The following CDKAL1 variants were observed in gnomAD, a reference collection of about 807,000 sequenced individuals.
The protein encoded by CDKAL1 is CDKAL1 threonylcarbamoyladenosine tRNA methylthiotransferase, also known as threonylcarbamoyladenosine tRNA methylthiotransferase.
Under a neutral mutation model 68.2 loss-of-function variants are expected in CDKAL1, and 32 were observed. The ratio of observed to expected loss-of-function variants is 0.47; its 90% confidence interval spans 0.35 to 0.63. CDKAL1 has a LOEUF of 0.63. Among genes scored for constraint, CDKAL1 ranks in the 30% least tolerant of loss-of-function variants. The pLI, the probability that CDKAL1 is intolerant of heterozygous loss-of-function variation, is 0.00. For missense variants in CDKAL1, 606 were observed against 696.7 expected, an observed-to-expected ratio of 0.87 and a Z score of 1.47; for synonymous variants, 234 against 244.3, an observed-to-expected ratio of 0.96 and a Z score of 0.39.
chr6:20,614,141 G>A (rs191311164), intron 4 of CDKAL1, among the ~76,000 whole-genome samples: 1 of 152,108 alleles, frequency 6.6e-6, no homozygotes, highest in Admixed American at 6.5e-5. Flanking sequence ...TGATTTGTAG[G>A]TACTCTCTAT....
At chr6:20,959,181 A>G (rs1421377595) in intron 10 of CDKAL1, among the ~76,000 whole-genome samples, 1 of 152,210 alleles carries the variant, frequency 6.6e-6, no homozygotes, top group Admixed American at 6.5e-5. Flanking sequence ...TAGGCAGACA[A>G]GTAGTGAAGT....
chr6:20,576,103 T>C (rs749998040), intron 4 of CDKAL1, among the ~76,000 whole-genome samples: 2 of 152,220 alleles, frequency 1.3e-5, no homozygotes, highest in South Asian at 2.1e-4. Flanking sequence ...GTTTTGAGGA[T>C]GGAAAAATGA....
intron 12 of CDKAL1, among the ~76,000 whole-genome samples, chr6:21,105,037 T>C (rs1773779039): frequency 6.6e-6 from 1 of 152,212 alleles, no homozygotes; most frequent in Non-Finnish European, 1.5e-5. Context: ...TCTAAAAATA[T>C]TTTCCCCAGT....
Position 21,232,018 on chromosome 6 carries a change from T to TGTTG in CDKAL1, c.*979_*980insGTTG, listed in dbSNP as rs1779998186. On this transcript the variant is annotated 3_prime_UTR_variant, in exon 16 of 16. Coordinates refer to ENST00000274695, the MANE Select transcript of CDKAL1 (RefSeq NM_017774.3). Reference sequence around the variant, plus strand: ...TTTTTTTTTTGTTTTTGTTTTTTTTTTTTTTTGAGTCAAGGTCTCACTCTG... The same window carrying TGTTG: ...TTTTTTTTTTGTTTTTGTTTTTTTTTGTTGTTTTTTGAGTCAAGGTCTCACTCTG... 6.7e-6 allele frequency: 1 copy of TGTTG among 148,636 alleles called. No individual in the cohort carries two copies. Among genetic ancestry groups the TGTTG allele is most frequent in the East Asian group, 2.0e-4 (1 of 5,084 alleles). The allele number at this position is 148,636 out of a possible 1,614,324, so 9.2% of individuals were successfully genotyped here. A position where few individuals can be genotyped will look rare whatever the true frequency, so the allele number is the denominator to read the frequency against.
At position 21,102,035 on chromosome 6, in the gene CDKAL1, C is replaced by T. The variant is rs543983729; in HGVS notation, c.1237-6366C>T. 9.9e-5 allele frequency among the ~76,000 whole-genome samples: 15 copies of T among 152,264 alleles called. 3 individuals are homozygous for T. In the East Asian group the frequency reaches 2.3e-3, roughly 24 times the overall value. On this transcript the variant is annotated intron_variant, in intron 12 of 15. Transcript: ENST00000274695. ...TCCCACTTGAGCTTTATCTTTAACA[C>T]CATTAGGAAGCTCTTTCTGAAGCAC...
At chr6:20,840,547 T>G (rs1778135019) in intron 8 of CDKAL1, among the ~76,000 whole-genome samples, 1 of 152,170 alleles carries the variant, frequency 6.6e-6, no homozygotes, top group East Asian at 1.9e-4. Flanking sequence ...GAGAGACGAT[T>G]GAGTCAGTCA....
At chr6:21,179,944 C>T (rs1256874873) in intron 13 of CDKAL1, among the ~76,000 whole-genome samples, 2 of 152,084 alleles carry the variant, frequency 1.3e-5, no homozygotes, top group African/African-American at 2.4e-5. Context: ...TTGCTCAAGC[C>T]CGGGAAGTCG....
intron 8 of CDKAL1, among the ~76,000 whole-genome samples, chr6:20,819,897 A>G (rs1184358322): frequency 6.6e-6 from 1 of 152,158 alleles, no homozygotes; most frequent in African/African-American, 2.4e-5. Context: ...CCTCAGCTAG[A>G]AGCTTCACAG....
chr6:20,902,159 C>A (rs1396072937), intron 9 of CDKAL1, among the ~76,000 whole-genome samples: 1 of 152,146 alleles, frequency 6.6e-6, no homozygotes, highest in African/African-American at 2.4e-5. Flanking sequence ...ATCTCAAGAA[C>A]CTTTATTTCA....
chr6:20,777,248 C>G lies in CDKAL1; in HGVS notation c.518-3897C>G, dbSNP rs180792173. ...GAGGCACTGAATGATAACTTGGATT[C>G]CAAGGAGCAGTGAAAAATGCTAGAA... On this transcript the variant is annotated intron_variant, in intron 7 of 15. Transcript: ENST00000274695. Among the ~76,000 whole-genome samples, 1,034 of 152,188 alleles carry G rather than the reference C, an allele frequency of 6.8e-3. 9 individuals are homozygous for G. Among genetic ancestry groups the G allele is most frequent in the African/African-American group, 0.024 (981 of 41,520 alleles).
chr6:20,944,428 A>C (rs1202857954), intron 9 of CDKAL1, among the ~76,000 whole-genome samples: 3 of 152,138 alleles, frequency 2.0e-5, no homozygotes, highest in Non-Finnish European at 4.4e-5. Context: ...GCTCACTGCA[A>C]CCTCCACCTC....
chr6:20,858,602 C>G (rs1759457306), intron 9 of CDKAL1, among the ~76,000 whole-genome samples: 1 of 152,030 alleles, frequency 6.6e-6, no homozygotes, highest in Admixed American at 6.6e-5. Flanking sequence ...CAAGGTATAT[C>G]TTTGCTTATT....
intron 11 of CDKAL1, among the ~76,000 whole-genome samples, chr6:21,027,545 A>G (rs540053815): frequency 2.0e-5 from 3 of 152,294 alleles, no homozygotes; most frequent in Non-Finnish European, 4.4e-5. Flanking sequence ...TTAAGTGATC[A>G]CCTCTTAAAG....
chr6:21,193,272 A>C (rs1778334170), intron 13 of CDKAL1, among the ~76,000 whole-genome samples: 1 of 152,188 alleles, frequency 6.6e-6, no homozygotes, highest in Admixed American at 6.5e-5. Flanking sequence ...TGTAATTTGC[A>C]GAGGGCTGTA....
chr6:20,551,259 G>C (rs1368504128), intron 4 of CDKAL1, among the ~76,000 whole-genome samples: 3 of 152,144 alleles, frequency 2.0e-5, no homozygotes, highest in Non-Finnish European at 2.9e-5. Flanking sequence ...CCTCATGGCT[G>C]CCTTTGCATG....
At chr6:20,564,792 T>C (rs972215659) in intron 4 of CDKAL1, among the ~76,000 whole-genome samples, 12 of 152,220 alleles carry the variant, frequency 7.9e-5, no homozygotes, top group Non-Finnish European at 1.3e-4. Context: ...TAGGTCACAC[T>C]GCCCAGGTTT....
At chr6:21,217,201 T>C (rs1423124914) in intron 15 of CDKAL1, among the ~76,000 whole-genome samples, 1 of 151,818 alleles carries the variant, frequency 6.6e-6, no homozygotes, top group African/African-American at 2.4e-5. Context: ...TATATTCAGA[T>C]TTTCTCTTCA....
intron 12 of CDKAL1, among the ~76,000 whole-genome samples, chr6:21,071,929 C>A (rs1436849998): frequency 6.6e-6 from 1 of 152,130 alleles, no homozygotes; most frequent in East Asian, 1.9e-4. Flanking sequence ...GTAGCATTTG[C>A]CAGTTTCCAT....
chr6:20,822,639 G>A (rs921486215), intron 8 of CDKAL1, among the ~76,000 whole-genome samples: 4 of 152,154 alleles, frequency 2.6e-5, no homozygotes, highest in Non-Finnish European at 2.9e-5. Flanking sequence ...AGTCCAGGTG[G>A]AGGTAAATGA....
Sources: gnomAD v4.1 joint callset for allele counts (sites outside exome capture counted in the v4.1 genomes callset) on GRCh38, gnomAD v4.1.1 for gene constraint, MANE v1.5 for transcripts, NCBI Gene and HGNC (gene_info 2026-07-23, HGNC 2026-07-21) for gene names.